The following UROC1 variants were observed in gnomAD, a reference collection of about 807,000 sequenced individuals.
The protein encoded by UROC1 is urocanate hydratase.
Under a neutral mutation model 89.5 loss-of-function variants are expected in UROC1, and 79 were observed. The ratio of observed to expected loss-of-function variants is 0.88; its 90% CI spans 0.74 to 1.06. UROC1 has a LOEUF of 1.06. Ranked by LOEUF, UROC1 falls within the 50% of genes least tolerant of loss-of-function variation. The pLI, the probability that UROC1 is intolerant of heterozygous loss-of-function variation, is 0.00. For synonymous variants in UROC1, 361 were observed against 354.8 expected, an observed-to-expected ratio of 1.02 and a Z score of -0.20; for missense variants, 885 against 907.8, an observed-to-expected ratio of 0.97 and a Z score of 0.32.
At chr3:126,501,978 ATTCCCATGGGTC>A in intron 9 of UROC1, 1 of 1,557,462 alleles carries the variant, frequency 6.4e-7, no homozygotes, top group South Asian at 1.2e-5. Flanking sequence ...AGCTCACTCC[ATTCCCATGGGTC>A]TTCCTCAGCT....
chr3:126,486,259 A>C (rs1035874289), intron 18 of UROC1, among the ~76,000 whole-genome samples: 19 of 152,216 alleles, frequency 1.2e-4, no homozygotes, highest in Non-Finnish European at 1.3e-4. Context: ...ACCCTCTCAC[A>C]TGTGAGGCCG....
intron 4 of UROC1, 80 bp downstream of exon 4, chr3:126,508,336 G>T: frequency 6.8e-7 from 1 of 1,474,300 alleles, no homozygotes; most frequent in Non-Finnish European, 9.5e-7. Context: ...CCTGAGCTGT[G>T]GGTTTGTAAG....
At chr3:126,503,838 T>C (rs1308267215) in intron 9 of UROC1, among the ~76,000 whole-genome samples, 157 bp downstream of exon 9, 2 of 152,150 alleles carry the variant, frequency 1.3e-5, no homozygotes, top group Non-Finnish European at 2.9e-5. Flanking sequence ...TGTGTGCGCA[T>C]GTATATGTAC....
chr3:126,488,353 G>A (rs776228169), intron 17 of UROC1, 74 bp from the exon 18 acceptor site: 4 of 1,562,850 alleles, frequency 2.6e-6, no homozygotes, highest in Non-Finnish European at 3.5e-6. Flanking sequence ...GGCCAGCCTC[G>A]CTGGCTAAGC....
At chr3:126,497,978 G>T in intron 14 of UROC1, 73 bp downstream of exon 14, 1 of 1,611,200 alleles carries the variant, frequency 6.2e-7, no homozygotes, top group East Asian at 2.2e-5. Flanking sequence ...GCCTGCTATA[G>T]AAGCTTGTCT....
intron 16 of UROC1, among the ~76,000 whole-genome samples, chr3:126,490,348 A>T (rs1475445498): frequency 6.6e-6 from 1 of 152,216 alleles, no homozygotes; most frequent in Non-Finnish European, 1.5e-5. Flanking sequence ...GGCTAAGGGC[A>T]GGTCAGCTGA....
At position 126,505,859 on chromosome 3, in the gene UROC1, G is replaced by T; in HGVS notation, c.670-15C>A. ...AACACGGTGAGCTGCAGGGAGAAGAGGTGGGGGCTCACTGCCCACTCCCAG... is the reference window on the plus strand; with the variant it reads ...AACACGGTGAGCTGCAGGGAGAAGATGTGGGGGCTCACTGCCCACTCCCAG... On this transcript the variant is annotated splice_polypyrimidine_tract_variant and intron_variant, in intron 7 of 19. Transcript: ENST00000290868. 5.0e-6 allele frequency: 8 copies of T among 1,613,354 alleles called. No individual in the cohort carries two copies. The highest frequency in any genetic ancestry group is 5.9e-6 in the Non-Finnish European group (7 of 1,179,984).
Position 126,509,646 on chromosome 3 carries a change from G to C in UROC1, c.290C>G (p.Thr97Arg). 6.4e-7 allele frequency: 1 copy of C among 1,552,228 alleles called. No homozygotes were observed. The highest frequency in any genetic ancestry group is 8.7e-7 in the Non-Finnish European group (1 of 1,147,260). ...AYPIEQYPCQ[T>R]KVAAAIMHMI... ...GTGCATGATGGCGGCAGCCACTTTC[G>C]TCTGGCAGGGGTACTGCTCAATCGG... Residue 97 changes from threonine (T) to arginine (R), a missense_variant, in exon 3 of 20, where the codon ACG (threonine) becomes AGG (arginine). By Grantham distance (71) the Thr-to-Arg change is moderately conservative. Transcript: ENST00000290868.
At chr3:126,491,082 C>G (rs1290100464) in intron 16 of UROC1, among the ~76,000 whole-genome samples, 12 of 152,218 alleles carry the variant, frequency 7.9e-5, no homozygotes, top group Non-Finnish European at 1.6e-4. Flanking sequence ...CCACCTTCAA[C>G]AGGCCAGGCC....
chr3:126,495,973 C>T, intron 15 of UROC1, 65 bp downstream of exon 15: 3 of 1,529,334 alleles, frequency 2.0e-6, no homozygotes, highest in Non-Finnish European at 9.0e-7. Flanking sequence ...GTCAGCAGCA[C>T]CTCACCTTTG....
intron 17 of UROC1, among the ~76,000 whole-genome samples, chr3:126,488,737 G>T (rs187024916): frequency 6.6e-6 from 1 of 152,352 alleles, no homozygotes; most frequent in East Asian, 1.9e-4. Context: ...GAGAGCATCT[G>T]CAGAGAGAAA....
At chr3:126,494,507 A>C (rs1179752283) in intron 15 of UROC1, among the ~76,000 whole-genome samples, 1 of 152,222 alleles carries the variant, frequency 6.6e-6, no homozygotes, top group Non-Finnish European at 1.5e-5. Flanking sequence ...GGCTGGATAC[A>C]AATGCAAACC....
At chr3:126,496,804 C>T (rs765547684) in intron 14 of UROC1, among the ~76,000 whole-genome samples, 2 of 152,202 alleles carry the variant, frequency 1.3e-5, no homozygotes, top group Non-Finnish European at 2.9e-5. Flanking sequence ...TAATAGAAAT[C>T]CCTCACTCCT....
In UROC1 at chr3:126,482,204, T is replaced by C; in HGVS notation, c.*141A>G. 7.8e-7 allele frequency: 1 copy of C among 1,277,550 alleles called. No individual in the cohort carries two copies. Among genetic ancestry groups the C allele is most frequent in the Non-Finnish European group, 1.1e-6 (1 of 912,166 alleles). The allele number at this position is 1,277,550 out of a possible 1,614,324, so 79.1% of individuals were successfully genotyped here. On this transcript the variant is annotated 3_prime_UTR_variant, in exon 20 of 20. Transcript: ENST00000290868. ...GTAAAATGAGGCTGTGGTGGCACCC[T>C]GCACAGGGCACCATAAGGGCCACGT... is the stretch of plus-strand genomic sequence containing the variant.
chr3:126,514,849 C>CA (rs911205393), intron 1 of UROC1, among the ~76,000 whole-genome samples: 3 of 151,836 alleles, frequency 2.0e-5, no homozygotes, highest in Admixed American at 2.0e-4. Context: ...TTACAAATGC[C>CA]AAAAAATAAG....
chr3:126,509,932 A>T (rs1936159082), intron 2 of UROC1, among the ~76,000 whole-genome samples: 1 of 152,208 alleles, frequency 6.6e-6, no homozygotes, highest in South Asian at 2.1e-4. Context: ...AGCAGAACTG[A>T]TGGCTGCTCT....
intron 9 of UROC1, chr3:126,501,930 C>T: frequency 6.3e-7 from 1 of 1,596,450 alleles, no homozygotes; most frequent in South Asian, 1.1e-5. Flanking sequence ...GGGCTTGTTG[C>T]AATCCCAGCT....
intron 1 of UROC1, among the ~76,000 whole-genome samples, chr3:126,512,906 A>G (rs1466296553): frequency 6.6e-6 from 1 of 152,222 alleles, no homozygotes; most frequent in African/African-American, 2.4e-5. Context: ...AGTAAAACCC[A>G]CTTCAGATTT....
chr3:126,502,616 GTATGTGTGTGTT>G (rs1935958780), intron 9 of UROC1, among the ~76,000 whole-genome samples: 1 of 151,484 alleles, frequency 6.6e-6, no homozygotes, highest in Non-Finnish European at 1.5e-5. Context: ...GTATTTATGT[GTATGTGTGTGTT>G]TATGTGTGTG....
Sources: allele counts gnomAD v4.1 joint callset (sites outside exome capture counted in the v4.1 genomes callset), GRCh38; gene constraint gnomAD v4.1.1; transcripts MANE v1.5; gene names NCBI Gene and HGNC (gene_info 2026-07-23, HGNC 2026-07-21).